The following COG5 variants were observed in gnomAD, a reference collection of about 807,000 sequenced individuals.
COG5 encodes component of oligomeric golgi complex 5.
In COG5, 86 loss-of-function variants were observed where a neutral mutation model predicts 110.4. That is an observed-to-expected ratio of 0.78 (90% confidence interval 0.65 to 0.93). The LOEUF is 0.93. Ranked by LOEUF, COG5 falls within the 40% of genes least tolerant of loss-of-function variation. The pLI is 0.00. For missense variants in COG5, 1,077 were observed against 987.0 expected (o/e 1.09, Z -1.22); for synonymous variants, 360 against 334.6 (o/e 1.08, Z -0.83).
At chr7:107,272,305 T>C (rs972293852) in intron 14 of COG5, among the ~76,000 whole-genome samples, 1 of 152,212 alleles carries the variant, frequency 6.6e-6, no homozygotes, top group African/African-American at 2.4e-5. Flanking sequence ...AACGATTTAT[T>C]TCTTATCTAC....
intron 19 of COG5, among the ~76,000 whole-genome samples, chr7:107,227,944 A>T (rs1467328686): frequency 6.6e-6 from 1 of 152,130 alleles, no homozygotes; most frequent in African/African-American, 2.4e-5. Flanking sequence ...TATTTTATAC[A>T]TGCACGTGCA....
intron 6 of COG5, among the ~76,000 whole-genome samples, chr7:107,444,398 A>T (rs1036400795): frequency 1.3e-5 from 2 of 152,226 alleles, no homozygotes; most frequent in African/African-American, 2.4e-5. Context: ...GTAAAAAGTT[A>T]GCCATGAAAA....
intron 1 of COG5, among the ~76,000 whole-genome samples, chr7:107,558,497 G>A (rs578182509): frequency 3.3e-5 from 5 of 152,014 alleles, no homozygotes; most frequent in South Asian, 2.1e-4. Flanking sequence ...CCAGCTACTC[G>A]GGAGGCTGAA....
chr7:107,277,449 GAAC>G (rs776116873), intron 14 of COG5, among the ~76,000 whole-genome samples: 1 of 152,038 alleles, frequency 6.6e-6, no homozygotes, highest in Non-Finnish European at 1.5e-5. Context: ...AAAAACAAGA[GAAC>G]AACAACAGTG....
At chr7:107,425,568 A>C (rs1246049003) in intron 6 of COG5, among the ~76,000 whole-genome samples, 1 of 151,976 alleles carries the variant, frequency 6.6e-6, no homozygotes, top group Non-Finnish European at 1.5e-5. Flanking sequence ...CCACAGTCAG[A>C]AGAGTCCTTA....
chr7:107,302,734 C>A (rs557844437), intron 11 of COG5, among the ~76,000 whole-genome samples: 1 of 152,146 alleles, frequency 6.6e-6, no homozygotes, highest in Non-Finnish European at 1.5e-5. Context: ...CATCATCCTG[C>A]AGACAGATAG....
intron 19 of COG5, among the ~76,000 whole-genome samples, chr7:107,226,821 G>A (rs1432658917): frequency 6.6e-6 from 1 of 152,162 alleles, no homozygotes; most frequent in Non-Finnish European, 1.5e-5. Context: ...AACTGAGAAA[G>A]CACTAGGATT....
At chr7:107,245,235 T>G (rs1158905804) in intron 17 of COG5, among the ~76,000 whole-genome samples, 1 of 152,142 alleles carries the variant, frequency 6.6e-6, no homozygotes, top group Non-Finnish European at 1.5e-5. Context: ...GCACCATCCA[T>G]GACAAATCCA....
At chr7:107,383,442 AAT>A (rs1815303781) in intron 7 of COG5, among the ~76,000 whole-genome samples, 1 of 152,204 alleles carries the variant, frequency 6.6e-6, no homozygotes, top group Non-Finnish European at 1.5e-5. Context: ...AGGCCAGGTT[AAT>A]ATCCATGGCA....
chr7:107,372,833 C>G, intron 7 of COG5, 73 bp from the exon 8 acceptor site: 2 of 1,462,092 alleles, frequency 1.4e-6, no homozygotes, highest in Non-Finnish European at 1.9e-6. Flanking sequence ...AAATATACAA[C>G]TTTAAGCAGG....
Position 107,237,102 on chromosome 7 carries a change from A to C in COG5, c.1854-415T>G, listed in dbSNP as rs190218771. Reference sequence around the variant, plus strand: ...CCTGAAATAGCATTTTATGCTTTGCAATGACAGAAAATGCTGCTTTCCCTA... The same window carrying C: ...CCTGAAATAGCATTTTATGCTTTGCCATGACAGAAAATGCTGCTTTCCCTA... On this transcript the variant is annotated intron_variant, in intron 17 of 21. Transcript: ENST00000297135. 1.5e-3 allele frequency among the ~76,000 whole-genome samples: 223 copies of C among 152,336 alleles called. 1 individual carries two copies. The highest frequency in any genetic ancestry group is 5.2e-3 in the African/African-American group (215 of 41,590).
In COG5 at chr7:107,221,137, T is replaced by C. The variant is rs1799893217; in HGVS notation, c.2168+9478A>G. Among the ~76,000 whole-genome samples the C allele has an allele frequency of 2.6e-5, 4 of 152,206 alleles. No homozygotes were observed. In the South Asian group the frequency reaches 8.3e-4, roughly 32 times the overall value. On this transcript the variant is annotated intron_variant, in intron 19 of 21. Coordinates refer to ENST00000297135, the MANE Select transcript of COG5 (RefSeq NM_006348.5). ...TGGCTTCATGCCCTCACTTCTGTCC[T>C]GCTGTCCCTGGTTGTCGTGTTCAGC...
At chr7:107,311,346 A>C (rs1412930375) in intron 11 of COG5, among the ~76,000 whole-genome samples, 1 of 129,360 alleles carries the variant, frequency 7.7e-6, no homozygotes, top group Admixed American at 8.3e-5. Flanking sequence ...TTCTCTATTT[A>C]TAAGTGATAT....
At chr7:107,316,657 C>CAAA (rs760555445) in intron 11 of COG5, among the ~76,000 whole-genome samples, 30 of 75,896 alleles carry the variant, frequency 4.0e-4, no homozygotes, top group East Asian at 1.1e-3. Flanking sequence ...ACTAAAAATA[C>CAAA]AAAAAAAAAA....
intron 10 of COG5, among the ~76,000 whole-genome samples, chr7:107,352,472 G>GA (rs199881384): frequency 3.3e-4 from 33 of 99,720 alleles, no homozygotes; most frequent in African/African-American, 4.1e-4. Context: ...TAATAAAATT[G>GA]AAAAAAAAAA....
intron 6 of COG5, among the ~76,000 whole-genome samples, chr7:107,428,958 C>G (rs1350031469): frequency 6.6e-6 from 1 of 152,122 alleles, no homozygotes; most frequent in Non-Finnish European, 1.5e-5. Flanking sequence ...AGAACAAAAA[C>G]TATATTGGCT....
At position 107,320,343 on chromosome 7, in the gene COG5, C is replaced by T. The variant is rs1809149947; in HGVS notation, c.1108+4097G>A. ...AACAACAGGGATTTATATCTGTTTA[C>T]ATAAAACTCTGCAATGACAATTTTC... On this transcript the variant is annotated intron_variant, in intron 11 of 21. Transcript: ENST00000297135. 2.0e-5 allele frequency among the ~76,000 whole-genome samples: 3 copies of T among 152,332 alleles called. No homozygotes were observed. The South Asian group carries it at 6.2e-4, about 32-fold the overall frequency.
intron 11 of COG5, among the ~76,000 whole-genome samples, chr7:107,305,494 T>C: frequency 6.6e-6 from 1 of 152,184 alleles, no homozygotes; most frequent in East Asian, 1.9e-4. Context: ...TGTAACAACT[T>C]GCCATAAACA....
At chr7:107,451,871 G>A (rs1160542251) in intron 6 of COG5, among the ~76,000 whole-genome samples, 1 of 151,952 alleles carries the variant, frequency 6.6e-6, no homozygotes, top group Non-Finnish European at 1.5e-5. Context: ...GTCAACAATT[G>A]GCTATTAGCA....
Sources: gnomAD v4.1 joint callset for allele counts (sites outside exome capture counted in the v4.1 genomes callset) on GRCh38, gnomAD v4.1.1 for gene constraint, MANE v1.5 for transcripts, NCBI Gene and HGNC (gene_info 2026-07-23, HGNC 2026-07-21) for gene names.